Variants in MOSPD1 observed in about 807,000 individuals in gnomAD.
MOSPD1 encodes the protein motile sperm domain containing 1, also known as motile sperm domain-containing protein 1.
MOSPD1 carries 5 observed loss-of-function variants against 16.7 expected under a neutral mutation model. The ratio of observed to expected loss-of-function variants is 0.30; its 90% CI spans 0.16 to 0.63. The LOEUF (loss-of-function observed/expected upper bound fraction) is 0.63. MOSPD1 is among the 30% of genes least tolerant of loss of function. The probability of loss-of-function intolerance (pLI) is 0.82; values close to 1 mark genes in which losing one functional copy is unlikely to be tolerated. For missense variants in MOSPD1, 104 were observed against 153.6 expected, an observed-to-expected ratio of 0.68 and a Z score of 1.71; for synonymous variants, 67 against 59.2, an observed-to-expected ratio of 1.13 and a Z score of -0.61.
chrX:134,906,246 T>C (rs1303269939), intron 1 of MOSPD1, among the ~76,000 whole-genome samples: 1 of 100,800 alleles, frequency 9.9e-6, no homozygotes, highest in Non-Finnish European at 2.0e-5. Context: ...TGTCATGATC[T>C]TGGCTCACCA....
intron 4 of MOSPD1, among the ~76,000 whole-genome samples, chrX:134,891,951 G>A (rs977282595): frequency 1.8e-5 from 2 of 112,041 alleles, no homozygotes; most frequent in Non-Finnish European, 3.8e-5. Flanking sequence ...ATGTATCATC[G>A]ATGTATGCAC....
intron 1 of MOSPD1, among the ~76,000 whole-genome samples, chrX:134,902,436 C>T (rs2082916749): frequency 1.1e-5 from 1 of 91,751 alleles, no homozygotes; most frequent in African/African-American, 4.3e-5. Flanking sequence ...AAACAAAAAA[C>T]CAAAGTTGAC....
chrX:134,901,960 T>C (rs552964207), intron 1 of MOSPD1, among the ~76,000 whole-genome samples: 10 of 112,457 alleles, frequency 8.9e-5, no homozygotes, highest in East Asian at 2.8e-4. Flanking sequence ...TAACAGATTA[T>C]AAACTTTTTA....
At chrX:134,895,051 AG>A (rs11316579) in intron 4 of MOSPD1, among the ~76,000 whole-genome samples, 31,659 of 111,175 alleles carry the variant, frequency 0.28, 3,615 homozygotes, top group Middle Eastern at 0.42. Flanking sequence ...TTAGATACCA[AG>A]GTTTGTTAGA....
chrX:134,905,692 C>T (rs775047300), intron 1 of MOSPD1, among the ~76,000 whole-genome samples: 74 of 111,799 alleles, frequency 6.6e-4, no homozygotes, highest in African/African-American at 2.4e-3. Flanking sequence ...AGTTTATAAT[C>T]CTCTAAAAAC....
chrX:134,890,675 G>A (rs2148389728), intron 5 of MOSPD1, among the ~76,000 whole-genome samples: 1 of 110,694 alleles, frequency 9.0e-6, no homozygotes, highest in South Asian at 3.9e-4. Flanking sequence ...TGATGTGGTG[G>A]TGCATGCCTG....
chrX:134,892,203 C>T (rs1181081710), intron 4 of MOSPD1, among the ~76,000 whole-genome samples: 2 of 111,681 alleles, frequency 1.8e-5, no homozygotes, highest in East Asian at 2.8e-4. Flanking sequence ...CTGCACATCC[C>T]GCTATCAATT....
chrX:134,897,585 T>C (rs1234726671), intron 3 of MOSPD1, among the ~76,000 whole-genome samples: 2 of 98,813 alleles, frequency 2.0e-5, no homozygotes. Context: ...AAAAAAATTC[T>C]CTTTAGCAAT....
At chrX:134,900,366 T>G (rs1320003045) in intron 1 of MOSPD1, among the ~76,000 whole-genome samples, 1 of 112,349 alleles carries the variant, frequency 8.9e-6, no homozygotes, top group Non-Finnish European at 1.9e-5. Context: ...CTTGGCAGCA[T>G]GGGTGGGAGA....
intron 1 of MOSPD1, among the ~76,000 whole-genome samples, chrX:134,902,464 G>C (rs139657657): frequency 0.016 from 1,750 of 110,325 alleles, 40 homozygotes; most frequent in African/African-American, 0.055. Context: ...CTGCCTCCTA[G>C]TCCAGTATTT....
chrX:134,908,493 C>T (rs2082954596), intron 1 of MOSPD1, among the ~76,000 whole-genome samples: 1 of 111,512 alleles, frequency 9.0e-6, no homozygotes, highest in South Asian at 3.8e-4. Context: ...TTTTCCCTGG[C>T]TCTTCAGTGC....
At chrX:134,902,266 G>A (rs2082914977) in intron 1 of MOSPD1, among the ~76,000 whole-genome samples, 1 of 110,040 alleles carries the variant, frequency 9.1e-6, no homozygotes, top group South Asian at 3.9e-4. Context: ...AATTAGCCAC[G>A]TGTGGTGGTG....
At chrX:134,896,740 A>C (rs1187526837) in intron 4 of MOSPD1, 77 bp downstream of exon 4, 2 of 768,304 alleles carry the variant, frequency 2.6e-6, no homozygotes, top group Admixed American at 5.6e-5. Context: ...TCTAGTAATT[A>C]TTCTTAGCTG....
chrX:134,911,343 A>G (rs936453145), intron 1 of MOSPD1, among the ~76,000 whole-genome samples: 2 of 112,420 alleles, frequency 1.8e-5, no homozygotes, highest in African/African-American at 6.5e-5. Context: ...GCAGGAATGG[A>G]GAAGAAACAG....
intron 1 of MOSPD1, among the ~76,000 whole-genome samples, chrX:134,914,136 G>A (rs1251354481): frequency 1.8e-5 from 2 of 111,965 alleles, no homozygotes; most frequent in African/African-American, 3.2e-5. Context: ...AATGCACTCT[G>A]AAAGAACAGG....
At chrX:134,891,413 A>C in intron 5 of MOSPD1, 66 bp downstream of exon 5, 1 of 1,056,293 alleles carries the variant, frequency 9.5e-7, no homozygotes, top group Non-Finnish European at 1.3e-6. Flanking sequence ...AAATCAAACC[A>C]CCACCACCCT....
intron 1 of MOSPD1, among the ~76,000 whole-genome samples, chrX:134,908,259 T>G (rs1016820404): frequency 1.8e-5 from 2 of 112,130 alleles, no homozygotes; most frequent in African/African-American, 6.5e-5. Context: ...AGATGTCTAC[T>G]AATAACTGTC....
chrX:134,897,577 A>AG (rs1556358430), intron 3 of MOSPD1, among the ~76,000 whole-genome samples: 1 of 98,317 alleles, frequency 1.0e-5, no homozygotes, highest in African/African-American at 3.9e-5. Context: ...AAGAAAGAAA[A>AG]AAAATTCTCT....
rs2082843037 is a variant in MOSPD1 at position 134,888,098 on chromosome X, A to T, written c.*1063T>A. 8.9e-6 allele frequency: 1 copy of T among 112,743 alleles called. No homozygotes were observed. The highest frequency in any genetic ancestry group is 3.2e-5 in the African/African-American group (1 of 31,010). The allele number at this position is 112,743 out of a possible 1,213,427, so 9.3% of individuals were successfully genotyped here. ...ATCCTTAGACAAAAGATCAGTTACT[A>T]TGAAAATAACAGTTAAAACTGCATA... On this transcript the variant is annotated 3_prime_UTR_variant, in exon 6 of 6. Transcript: ENST00000370783.
Sources: allele counts gnomAD v4.1 joint callset (sites outside exome capture counted in the v4.1 genomes callset), GRCh38; gene constraint gnomAD v4.1.1; transcripts MANE v1.5; gene names NCBI Gene and HGNC (gene_info 2026-07-23, HGNC 2026-07-21).